Variants in KCNS3 observed in about 807,000 individuals in gnomAD.
KCNS3 encodes potassium voltage-gated channel modifier subfamily S member 3.
KCNS3 carries 13 observed loss-of-function variants against 31.0 expected under a neutral mutation model. That is an observed-to-expected ratio of 0.42 (90% CI 0.27 to 0.67). KCNS3 has a LOEUF of 0.67. Among genes scored for constraint, KCNS3 ranks in the 30% least tolerant of loss-of-function variants. The pLI is 0.25. For synonymous variants in KCNS3, 238 were observed against 241.5 expected (o/e 0.99, Z 0.13); for missense variants, 545 against 622.4 (o/e 0.88, Z 1.32).
chr2:17,932,442 C>T lies in KCNS3; in HGVS notation c.1434C>T (p.Asp478=). ...CTTCAAGCATTGAAGACAATGAGGA[C>T]ATTTGTAACACCACCTCCTTGGAGA... ...TDASSIEDNE[D]ICNTTSLENC... Residue 478 remains aspartate, a synonymous_variant, in exon 3 of 3, where the codon GAC becomes GAT. Coordinates refer to ENST00000304101, the MANE Select transcript of KCNS3 (RefSeq NM_002252.5). The T allele has an allele frequency of 6.2e-7, 1 of 1,613,698 alleles. No homozygotes were observed. The highest frequency in any genetic ancestry group is 1.3e-5 in the African/African-American group (1 of 75,030).
intron 2 of KCNS3, among the ~76,000 whole-genome samples, chr2:17,923,228 A>G (rs1323985410): frequency 6.6e-6 from 1 of 152,180 alleles, no homozygotes; most frequent in Non-Finnish European, 1.5e-5. Flanking sequence ...AATGATGTTG[A>G]GCATCTTTTC....
At chr2:17,884,432 T>G (rs1674722987) in intron 1 of KCNS3, among the ~76,000 whole-genome samples, 1 of 151,596 alleles carries the variant, frequency 6.6e-6, no homozygotes, top group African/African-American at 2.4e-5. Flanking sequence ...CAATTTAAAT[T>G]TATACAAGAT....
At chr2:17,897,583 C>A (rs908498341) in intron 1 of KCNS3, among the ~76,000 whole-genome samples, 6 of 152,096 alleles carry the variant, frequency 3.9e-5, no homozygotes, top group African/African-American at 1.4e-4. Context: ...TGTTTGTTGG[C>A]CACTTGTATG....
At chr2:17,888,629 G>GTATATCTAGATC (rs35102585) in intron 1 of KCNS3, among the ~76,000 whole-genome samples, 1 of 92,408 alleles carries the variant, frequency 1.1e-5, no homozygotes, top group African/African-American at 4.5e-5. Context: ...TAAAAAAAAT[G>GTATATCTAGATC]TATATATATA....
intron 2 of KCNS3, chr2:17,919,415 T>G (rs1449383352): frequency 6.6e-6 from 1 of 152,232 alleles, no homozygotes; most frequent in African/African-American, 2.4e-5. Flanking sequence ...AAGGTGGGTT[T>G]ATAAACTCCT....
chr2:17,928,085 G>A (rs1662876589), intron 2 of KCNS3, among the ~76,000 whole-genome samples: 1 of 152,178 alleles, frequency 6.6e-6, no homozygotes, highest in East Asian at 1.9e-4. Flanking sequence ...ATATTTTAGA[G>A]TTTGACCCTT....
chr2:17,879,832 C>T (rs941903239), intron 1 of KCNS3, among the ~76,000 whole-genome samples: 6 of 152,180 alleles, frequency 3.9e-5, no homozygotes, highest in African/African-American at 1.2e-4. Flanking sequence ...CTACCTCCAC[C>T]TGCCAAAATG....
At chr2:17,930,912 C>T in intron 2 of KCNS3, 38 bp from the exon 3 acceptor site, 1 of 1,411,976 alleles carries the variant, frequency 7.1e-7, no homozygotes, top group Non-Finnish European at 9.6e-7. Context: ...CTGGGCACGG[C>T]AGGACAGAGT....
At position 17,907,547 on chromosome 2, in the gene KCNS3, C is replaced by A. The variant is rs1485335061; in HGVS notation, c.-251-10133C>A. ...TGCTCGTTAGTTGATGCAGTTTATT[C>A]CTAGCATCGATGATCTTTACAATTT... On this transcript the variant is annotated intron_variant, in intron 1 of 2. Coordinates refer to ENST00000304101, the MANE Select transcript of KCNS3 (RefSeq NM_002252.5). Among the ~76,000 whole-genome samples the A allele has an allele frequency of 2.0e-5, 3 of 152,300 alleles. No homozygotes were observed. In the East Asian group the frequency reaches 5.8e-4, roughly 29 times the overall value.
intron 1 of KCNS3, among the ~76,000 whole-genome samples, chr2:17,910,893 G>A (rs1662457635): frequency 6.6e-6 from 1 of 152,118 alleles, no homozygotes; most frequent in Non-Finnish European, 1.5e-5. Flanking sequence ...TGTATAAATA[G>A]CTCTAGGTCA....
intron 2 of KCNS3, among the ~76,000 whole-genome samples, chr2:17,926,929 C>T (rs113765978): frequency 1.3e-5 from 2 of 152,306 alleles, no homozygotes; most frequent in Admixed American, 6.5e-5. Context: ...ATCACATCAT[C>T]GGGCTCCAAA....
chr2:17,932,032 A>G lies in KCNS3; in HGVS notation c.1024A>G (p.Ile342Val), dbSNP rs909473347. The G allele has an allele frequency of 1.9e-6, 3 of 1,614,024 alleles. No individual in the cohort carries two copies. The highest frequency in any genetic ancestry group is 2.5e-6 in the Non-Finnish European group (3 of 1,180,016). ...GGGCATTTCCATTTTCTCTGTGCTT[A>G]TCTACTCCGTGGAGAAAGATGACCA... Reference protein sequence around the residue: ...SVGISIFSVLIYSVEKDDHTS... With the variant: ...SVGISIFSVLVYSVEKDDHTS... Residue 342 changes from isoleucine to valine, a missense_variant, in exon 3 of 3, where the codon ATC (isoleucine) becomes GTC (valine). By Grantham distance (29) the Ile-to-Val change is conservative (BLOSUM62 3). Transcript: ENST00000304101.
At chr2:17,889,868 A>G (rs1376364931) in intron 1 of KCNS3, among the ~76,000 whole-genome samples, 1 of 152,064 alleles carries the variant, frequency 6.6e-6, no homozygotes, top group African/African-American at 2.4e-5. Flanking sequence ...TTCTTCAAGG[A>G]TATCGGTCTG....
At chr2:17,906,541 A>C (rs980663439) in intron 1 of KCNS3, among the ~76,000 whole-genome samples, 1 of 151,890 alleles carries the variant, frequency 6.6e-6, no homozygotes, top group African/African-American at 2.4e-5. Context: ...TAGTTCTTTT[A>C]ATTGTGATGT....
intron 1 of KCNS3, among the ~76,000 whole-genome samples, chr2:17,902,938 G>A (rs1427151191): frequency 6.6e-6 from 1 of 152,110 alleles, no homozygotes; most frequent in Admixed American, 6.5e-5. Flanking sequence ...ATAACTTGTA[G>A]GTGTATGTAT....
chr2:17,915,879 G>A (rs999174825), intron 1 of KCNS3, among the ~76,000 whole-genome samples: 3 of 152,108 alleles, frequency 2.0e-5, no homozygotes, highest in African/African-American at 4.8e-5. Flanking sequence ...ATGGGGCAAG[G>A]CACAGGAATT....
At chr2:17,921,034 A>T (rs1457757939) in intron 2 of KCNS3, among the ~76,000 whole-genome samples, 1 of 152,210 alleles carries the variant, frequency 6.6e-6, no homozygotes, top group Non-Finnish European at 1.5e-5. Context: ...CTGTTAGAGA[A>T]TTAAAGACAA....
intron 2 of KCNS3, among the ~76,000 whole-genome samples, chr2:17,920,920 T>C (rs1478127890): frequency 6.6e-6 from 1 of 152,210 alleles, no homozygotes; most frequent in Non-Finnish European, 1.5e-5. Flanking sequence ...ATTTGAGGCA[T>C]TGTGGAAAGA....
At chr2:17,915,874 G>T (rs879890160) in intron 1 of KCNS3, among the ~76,000 whole-genome samples, 27 of 152,246 alleles carry the variant, frequency 1.8e-4, no homozygotes, top group African/African-American at 6.3e-4. Context: ...GGAAAATGGG[G>T]CAAGGCACAG....
Sources: gnomAD v4.1 joint callset for allele counts (sites outside exome capture counted in the v4.1 genomes callset) on GRCh38, gnomAD v4.1.1 for gene constraint, MANE v1.5 for transcripts, NCBI Gene and HGNC (gene_info 2026-07-23, HGNC 2026-07-21) for gene names.